PDGFC: variants seen among roughly 807,000 people sequenced by gnomAD.
PDGFC encodes the protein platelet-derived growth factor C.
Under a neutral mutation model 35.5 loss-of-function variants are expected in PDGFC, and 12 were observed. The observed-to-expected ratio is 0.34, with a 90% confidence interval of 0.22 to 0.55. PDGFC has a LOEUF of 0.55. PDGFC is among the 20% of genes least tolerant of loss of function. The pLI, the probability that PDGFC is intolerant of heterozygous loss-of-function variation, is 0.91. For synonymous variants in PDGFC, 159 were observed against 148.8 expected (o/e 1.07, Z -0.50); for missense variants, 322 against 412.4 (o/e 0.78, Z 1.90).
At chr4:156,836,404 T>TGG (rs1213509080) in intron 2 of PDGFC, among the ~76,000 whole-genome samples, 5 of 152,362 alleles carry the variant, frequency 3.3e-5, no homozygotes, top group South Asian at 2.1e-4. Flanking sequence ...GATCTTTTCA[T>TGG]AAATTTTTCT....
chr4:156,904,242 A>T (rs1730861259), intron 1 of PDGFC, among the ~76,000 whole-genome samples: 1 of 152,040 alleles, frequency 6.6e-6, no homozygotes, highest in South Asian at 2.1e-4. Context: ...GCCCTAATTT[A>T]ACGTGAAAAG....
At chr4:156,802,302 C>G (rs1463981863) in intron 3 of PDGFC, among the ~76,000 whole-genome samples, 1 of 152,072 alleles carries the variant, frequency 6.6e-6, no homozygotes, top group African/African-American at 2.4e-5. Flanking sequence ...CAATAAAATT[C>G]TGAAAACTAA....
chr4:156,883,342 C>A (rs532984197), intron 1 of PDGFC, among the ~76,000 whole-genome samples: 3 of 152,152 alleles, frequency 2.0e-5, no homozygotes, highest in Admixed American at 6.5e-5. Context: ...GTATTAAAGT[C>A]ATTGGATTAA....
At chr4:156,931,044 G>A (rs1309578515) in intron 1 of PDGFC, among the ~76,000 whole-genome samples, 1 of 152,032 alleles carries the variant, frequency 6.6e-6, no homozygotes, top group Non-Finnish European at 1.5e-5. Context: ...TATTGTTGGA[G>A]GTAGGGGCTG....
intron 1 of PDGFC, among the ~76,000 whole-genome samples, chr4:156,901,520 G>T (rs1456273896): frequency 6.6e-6 from 1 of 152,086 alleles, no homozygotes; most frequent in African/African-American, 2.4e-5. Flanking sequence ...TAAGAAGTTG[G>T]AGAACAACGC....
At chr4:156,771,068 T>C (rs553972598) in intron 4 of PDGFC, among the ~76,000 whole-genome samples, 2 of 152,328 alleles carry the variant, frequency 1.3e-5, no homozygotes, top group Middle Eastern at 3.4e-3. Context: ...TCTCACACTT[T>C]TTGCATGCTT....
At chr4:156,923,394 TAA>T (rs1393785279) in intron 1 of PDGFC, among the ~76,000 whole-genome samples, 1 of 152,052 alleles carries the variant, frequency 6.6e-6, no homozygotes, top group Non-Finnish European at 1.5e-5. Context: ...TCAAAAACAA[TAA>T]AGAGAAAATA....
At chr4:156,816,637 A>G (rs570799178) in intron 2 of PDGFC, among the ~76,000 whole-genome samples, 1 of 152,336 alleles carries the variant, frequency 6.6e-6, no homozygotes, top group South Asian at 2.1e-4. Context: ...AGAAAAGATA[A>G]GTAACTTGAA....
chr4:156,825,161 G>C (rs1732407191), intron 2 of PDGFC, among the ~76,000 whole-genome samples: 1 of 152,070 alleles, frequency 6.6e-6, no homozygotes, highest in African/African-American at 2.4e-5. Flanking sequence ...GCAGGAAAAG[G>C]GTAGGCCCTC....
intron 1 of PDGFC, among the ~76,000 whole-genome samples, chr4:156,919,008 G>C (rs1243504302): frequency 2.0e-5 from 3 of 152,144 alleles, no homozygotes; most frequent in African/African-American, 4.8e-5. Context: ...GCATGAACAT[G>C]CTTCCAACAA....
intron 1 of PDGFC, among the ~76,000 whole-genome samples, chr4:156,950,736 T>G (rs2110936797): frequency 6.6e-6 from 1 of 151,910 alleles, no homozygotes; most frequent in East Asian, 1.9e-4. Context: ...AAAAATCTAT[T>G]TATACCCACA....
intron 1 of PDGFC, among the ~76,000 whole-genome samples, chr4:156,921,258 A>C (rs147628476): frequency 1.3e-5 from 2 of 152,306 alleles, no homozygotes; most frequent in African/African-American, 2.4e-5. Context: ...CTACAAAATT[A>C]AGGGTGGCAG....
chr4:156,804,276 T>A (rs954855282), intron 3 of PDGFC, among the ~76,000 whole-genome samples: 2 of 152,020 alleles, frequency 1.3e-5, no homozygotes, highest in Non-Finnish European at 2.9e-5. Flanking sequence ...CGTATTCTGA[T>A]CAAACTATAG....
At chr4:156,929,794 A>C (rs1490320503) in intron 1 of PDGFC, among the ~76,000 whole-genome samples, 1 of 152,258 alleles carries the variant, frequency 6.6e-6, no homozygotes, top group Admixed American at 6.5e-5. Context: ...AGTTGATAAC[A>C]TTCTTAAATA....
At chr4:156,827,210 G>A (rs1010618053) in intron 2 of PDGFC, among the ~76,000 whole-genome samples, 9 of 152,152 alleles carry the variant, frequency 5.9e-5, no homozygotes, top group African/African-American at 2.2e-4. Context: ...GAGGTCAGGA[G>A]ATTGAGACCA....
intron 1 of PDGFC, among the ~76,000 whole-genome samples, chr4:156,897,345 AGT>A (rs1444359699): frequency 4.6e-5 from 4 of 86,446 alleles, no homozygotes; most frequent in South Asian, 3.2e-4. Flanking sequence ...AGTGTGTGAG[AGT>A]GTATGTGTGT....
intron 1 of PDGFC, chr4:156,873,906 A>T (rs1730046703): frequency 6.6e-6 from 1 of 152,214 alleles, no homozygotes; most frequent in Admixed American, 6.5e-5. Context: ...GACGACTTAC[A>T]TCCCAGTCCT....
At chr4:156,909,762 G>A (rs185485700) in intron 1 of PDGFC, among the ~76,000 whole-genome samples, 4 of 152,152 alleles carry the variant, frequency 2.6e-5, no homozygotes, top group South Asian at 2.1e-4. Context: ...AAAGATATAC[G>A]TCCAAGTCCT....
chr4:156,862,489 TTCAA>T (rs1372534226), intron 1 of PDGFC, among the ~76,000 whole-genome samples: 5 of 152,148 alleles, frequency 3.3e-5, no homozygotes, highest in African/African-American at 1.2e-4. Flanking sequence ...TGAATTTTAA[TTCAA>T]TGAAATATAT....
Sources: gnomAD v4.1 joint callset for allele counts (sites outside exome capture counted in the v4.1 genomes callset) on GRCh38, gnomAD v4.1.1 for gene constraint, MANE v1.5 for transcripts, NCBI Gene and HGNC (gene_info 2026-07-23, HGNC 2026-07-21) for gene names.